CD109: variants seen among roughly 807,000 people sequenced by gnomAD.
CD109 encodes the protein CD109 molecule, also known as CD109 antigen.
Under a neutral mutation model 165.8 loss-of-function variants are expected in CD109, and 149 were observed. The ratio of observed to expected loss-of-function variants is 0.90; its 90% CI spans 0.79 to 1.03. CD109 has a LOEUF of 1.03. CD109 is among the 50% of genes least tolerant of loss of function. The pLI is 0.00. For synonymous variants in CD109, 585 were observed against 592.1 expected (o/e 0.99, Z 0.18); for missense variants, 1,712 against 1,677.8 (o/e 1.02, Z -0.36).
intron 22 of CD109, 97 bp downstream of exon 22, chr6:73,788,709 TAAG>T (rs144408661): frequency 0.34 from 381,876 of 1,107,784 alleles, 68,988 homozygotes; most frequent in African/African-American, 0.46. Context: ...TGAGTCCTAA[TAAG>T]AAGAGATGGC....
the CD109 span, among the ~76,000 whole-genome samples, chr6:73,682,333 C>G: frequency 6.8e-4 from 103 of 152,260 alleles, no homozygotes; most frequent in African/African-American, 2.4e-3. Flanking sequence ...AGGGGCTACA[C>G]GTCCCATGCA....
rs1450360127 is a variant in CD109, at chr6:73,808,124, T to C, written c.3231T>C (p.Ser1077=). 6.2e-7 allele frequency: 1 copy of C among 1,613,354 alleles called. No homozygotes were observed. Among genetic ancestry groups the C allele is most frequent in the Admixed American group, 1.7e-5 (1 of 59,910 alleles). The part of the protein sequence containing the change: ...DVQESIHFLE[S]EFSRGISDNY... Reference sequence around the variant, plus strand: ...AAGAGTCTATCCATTTTTTGGAGTCTGAATTCAGTAGAGGAATTTCAGACA... The same window carrying C: ...AAGAGTCTATCCATTTTTTGGAGTCCGAATTCAGTAGAGGAATTTCAGACA... The change falls in exon 26 of 33, where the codon TCT becomes TCC. Residue 1077 remains serine, a synonymous_variant. Coordinates refer to ENST00000287097, the MANE Select transcript of CD109 (RefSeq NM_133493.5).
intron 3 of CD109, among the ~76,000 whole-genome samples, chr6:73,726,716 C>T (rs1485700959): frequency 6.6e-6 from 1 of 152,190 alleles, no homozygotes; most frequent in African/African-American, 2.4e-5. Context: ...ATCATCTCCT[C>T]AGAGAGTTTG....
the CD109 span, among the ~76,000 whole-genome samples, chr6:73,688,108 C>T: frequency 2.0e-5 from 3 of 152,146 alleles, no homozygotes; most frequent in African/African-American, 4.8e-5. Context: ...ACTAGAAGAA[C>T]ACTAGAAACT....
intron 22 of CD109, among the ~76,000 whole-genome samples, chr6:73,792,346 T>A (rs192895584): frequency 2.0e-5 from 3 of 152,292 alleles, no homozygotes; most frequent in East Asian, 1.9e-4. Flanking sequence ...TAAAGATTTT[T>A]AAAAAAATTA....
intron 24 of CD109, among the ~76,000 whole-genome samples, chr6:73,805,782 A>C (rs901441809): frequency 1.3e-5 from 2 of 152,026 alleles, no homozygotes; most frequent in African/African-American, 2.4e-5. Flanking sequence ...TCTGTTTAAC[A>C]AGGCACATCT....
Position 73,791,136 on chromosome 6 carries a change from C to CACACACACACAT in CD109, c.2702-1489_2702-1488insCACACACACATA, listed in dbSNP as rs1478783898. On this transcript the variant is annotated intron_variant, in intron 22 of 32. Coordinates refer to ENST00000287097, the MANE Select transcript of CD109 (RefSeq NM_133493.5). Reference sequence around the variant, plus strand: ...TTGGAGGCATATATATACATACATACATATATATATATATATATATATATA... The same window carrying CACACACACACAT: ...TTGGAGGCATATATATACATACATACACACACACACATATATATATATATATATATATATATA... 2.3e-4 allele frequency among the ~76,000 whole-genome samples: 13 copies of CACACACACACAT among 56,332 alleles called. 2 individuals carry two copies. The highest frequency in any genetic ancestry group is 1.2e-3 in the African/African-American group (12 of 10,434). 37.0% of individuals were successfully genotyped at this position (56,332 alleles called of 152,430 possible).
In CD109 at chr6:73,823,859, T is replaced by C. The variant is rs1206420860; in HGVS notation, c.*226T>C. ...ATGAATGCAGTTGTGTGTCTATATTTTCCCCTCTCAAAATCTTTTAGAATT... is the reference window on the plus strand; with the variant it reads ...ATGAATGCAGTTGTGTGTCTATATTCTCCCCTCTCAAAATCTTTTAGAATT... On this transcript the variant is annotated 3_prime_UTR_variant, in exon 33 of 33. Coordinates refer to ENST00000287097, the MANE Select transcript of CD109 (RefSeq NM_133493.5). 1 of 373,028 alleles carries C rather than the reference T, an allele frequency of 2.7e-6. No homozygotes were observed. Among genetic ancestry groups the C allele is most frequent in the Non-Finnish European group, 4.8e-6 (1 of 208,468 alleles). The allele number at this position is 373,028 out of a possible 1,614,324, so 23.1% of individuals were successfully genotyped here. A position where few individuals can be genotyped will look rare whatever the true frequency, so the allele number is the denominator to read the frequency against.
chr6:73,721,736 G>T (rs970474553), intron 2 of CD109, among the ~76,000 whole-genome samples: 2 of 150,782 alleles, frequency 1.3e-5, no homozygotes, highest in African/African-American at 4.9e-5. Context: ...TCTTTTTATT[G>T]ATTTATTTAT....
intron 15 of CD109, among the ~76,000 whole-genome samples, chr6:73,774,832 T>C (rs1774177639): frequency 6.6e-6 from 1 of 152,206 alleles, no homozygotes; most frequent in African/African-American, 2.4e-5. Context: ...CCACTCTTCC[T>C]GGGGTTTTCT....
At chr6:73,812,350 A>T in intron 29 of CD109, 80 bp downstream of exon 29, 1 of 876,070 alleles carries the variant, frequency 1.1e-6, no homozygotes, top group Non-Finnish European at 1.8e-6. Flanking sequence ...ATTAAATCTT[A>T]GATAACTTGA....
At chr6:73,809,245 G>A (rs1037990965) in intron 26 of CD109, among the ~76,000 whole-genome samples, 1 of 151,732 alleles carries the variant, frequency 6.6e-6, no homozygotes, top group African/African-American at 2.4e-5. Context: ...TTTTTCCTGG[G>A]GGCTTGAACC....
chr6:73,768,271 A>G (rs967774324), intron 14 of CD109, 40 bp downstream of exon 14: 39 of 1,212,474 alleles, frequency 3.2e-5, no homozygotes, highest in Non-Finnish European at 4.5e-5. Context: ...AAAACTTTAT[A>G]TTAGTGAAGT....
At chr6:73,736,583 T>C in intron 5 of CD109, 75 bp downstream of exon 5, 1 of 1,302,064 alleles carries the variant, frequency 7.7e-7, no homozygotes, top group Non-Finnish European at 1.1e-6. Context: ...ATCTCCAAAG[T>C]CATTTATACA....
chr6:73,771,498 C>T lies in CD109; in HGVS notation c.1744C>T (p.Gln582Ter). The T allele has an allele frequency of 6.2e-7, 1 of 1,611,134 alleles. No homozygotes were observed. The highest frequency in any genetic ancestry group is 8.5e-7 in the Non-Finnish European group (1 of 1,178,394). Reference protein sequence around the residue: ...EKVSLRISVTQPDSIVGIVAV... With the variant: ...EKVSLRISVT ...AGTCTCTCTTAGGATCTCTGTGACACAGCCTGACTCCATAGTTGGGATTGT... is the reference window on the plus strand; with the variant it reads ...AGTCTCTCTTAGGATCTCTGTGACATAGCCTGACTCCATAGTTGGGATTGT... The change falls in exon 15 of 33, where the codon CAG (glutamine) becomes TAG (stop). Residue 582 changes from glutamine (Q) to a stop codon, truncating the protein, a stop_gained. Coordinates refer to ENST00000287097, the MANE Select transcript of CD109 (RefSeq NM_133493.5). LOFTEE classifies it high-confidence loss of function.
At chr6:73,725,506 T>TCTTC (rs1425532207) in intron 3 of CD109, among the ~76,000 whole-genome samples, 1 of 123,478 alleles carries the variant, frequency 8.1e-6, no homozygotes, top group Non-Finnish European at 1.8e-5. Flanking sequence ...CTACACTTCT[T>TCTTC]TTTTTTTTTT....
chr6:73,781,721 A>T (rs1483511275), intron 17 of CD109, among the ~76,000 whole-genome samples: 1 of 151,740 alleles, frequency 6.6e-6, no homozygotes, highest in Non-Finnish European at 1.5e-5. Context: ...AATAGCCCAG[A>T]TGCCATCATG....
At chr6:73,698,303 C>G (rs1770931559) in intron 2 of CD109, among the ~76,000 whole-genome samples, 1 of 152,052 alleles carries the variant, frequency 6.6e-6, no homozygotes, top group Non-Finnish European at 1.5e-5. Flanking sequence ...ATACTTAAAA[C>G]ATTTTTCATT....
the CD109 span, among the ~76,000 whole-genome samples, chr6:73,685,794 C>A: frequency 1.3e-5 from 2 of 152,136 alleles, no homozygotes; most frequent in African/African-American, 4.8e-5. Flanking sequence ...TGAAAACATA[C>A]AGTATTTGGT....
Sources: allele counts gnomAD v4.1 joint callset (sites outside exome capture counted in the v4.1 genomes callset), GRCh38; gene constraint gnomAD v4.1.1; transcripts MANE v1.5; gene names NCBI Gene and HGNC (gene_info 2026-07-23, HGNC 2026-07-21).